Variants in PDS5A observed in about 807,000 individuals in gnomAD.
The protein encoded by PDS5A is sister chromatid cohesion protein PDS5 homolog A.
PDS5A carries 42 observed loss-of-function variants against 167.1 expected under a neutral mutation model. The ratio of observed to expected loss-of-function variants is 0.25; its 90% CI spans 0.20 to 0.33. The LOEUF (loss-of-function observed/expected upper bound fraction) is 0.33. Among genes scored for constraint, PDS5A ranks in the 10% least tolerant of loss-of-function variants. The pLI is 1.00. For missense variants in PDS5A, 1,033 were observed against 1,605.9 expected (o/e 0.64, Z 6.10); for synonymous variants, 553 against 554.6 (o/e 1.00, Z 0.04).
chr4:39,918,996 A>G (rs1724670712), intron 7 of PDS5A, among the ~76,000 whole-genome samples: 1 of 152,236 alleles, frequency 6.6e-6, no homozygotes, highest in Non-Finnish European at 1.5e-5. Flanking sequence ...GAAAGGATAT[A>G]AGAAAACCTA....
chr4:39,845,077 A>G (rs1372636306), intron 29 of PDS5A, among the ~76,000 whole-genome samples: 2 of 152,114 alleles, frequency 1.3e-5, no homozygotes, highest in African/African-American at 4.8e-5. Flanking sequence ...GTGTGGTGGT[A>G]TAAGCCGGTA....
chr4:39,832,121 A>C (rs1715955023), intron 32 of PDS5A, among the ~76,000 whole-genome samples: 1 of 151,960 alleles, frequency 6.6e-6, no homozygotes, highest in African/African-American at 2.4e-5. Flanking sequence ...CCATTTCAAA[A>C]ACAAAACAAA....
chr4:39,883,315 G>C (rs956818734), intron 17 of PDS5A, among the ~76,000 whole-genome samples: 6 of 151,980 alleles, frequency 3.9e-5, no homozygotes, highest in Non-Finnish European at 7.4e-5. Flanking sequence ...CGAGTAGCTG[G>C]GATTACAGGC....
At chr4:39,935,555 T>G (rs1726516445) in intron 2 of PDS5A, among the ~76,000 whole-genome samples, 1 of 152,238 alleles carries the variant, frequency 6.6e-6, no homozygotes, top group Non-Finnish European at 1.5e-5. Context: ...TCTACAGGAT[T>G]GTTTTGGCAT....
intron 17 of PDS5A, among the ~76,000 whole-genome samples, chr4:39,880,319 C>T (rs1189685373): frequency 6.6e-6 from 1 of 152,022 alleles, no homozygotes; most frequent in East Asian, 1.9e-4. Flanking sequence ...AAGCATCATG[C>T]TGTATTTATA....
At chr4:39,852,231 CAA>C (rs1471217316) in intron 26 of PDS5A, among the ~76,000 whole-genome samples, 1 of 152,018 alleles carries the variant, frequency 6.6e-6, no homozygotes, top group East Asian at 1.9e-4. Flanking sequence ...GGATACAAAA[CAA>C]TACATATATG....
At chr4:39,863,543 G>A (rs1719172823) in intron 23 of PDS5A, 84 bp from the exon 24 acceptor site, 3 of 899,294 alleles carry the variant, frequency 3.3e-6, no homozygotes, top group African/African-American at 1.7e-5. Flanking sequence ...TGAATGTAAG[G>A]TCCTTAGAGC....
intron 2 of PDS5A, among the ~76,000 whole-genome samples, chr4:39,958,439 G>A (rs1328917609): frequency 1.3e-5 from 2 of 150,152 alleles, no homozygotes; most frequent in Non-Finnish European, 3.0e-5. Flanking sequence ...ATCAGAAGGT[G>A]GAGGTTGCAG....
At chr4:39,846,092 C>A in intron 28 of PDS5A, 2 of 334,222 alleles carry the variant, frequency 6.0e-6, no homozygotes, top group Non-Finnish European at 1.0e-5. Flanking sequence ...CAGACTTAGG[C>A]AAATGTCAAA....
chr4:39,863,752 A>C (rs1012933881), intron 23 of PDS5A, among the ~76,000 whole-genome samples: 1 of 152,190 alleles, frequency 6.6e-6, no homozygotes, highest in Non-Finnish European at 1.5e-5. Flanking sequence ...TCTTGCAACC[A>C]TAGTAATTGC....
intron 12 of PDS5A, among the ~76,000 whole-genome samples, chr4:39,903,602 C>T (rs1723060310): frequency 6.6e-6 from 1 of 152,182 alleles, no homozygotes; most frequent in South Asian, 2.1e-4. Context: ...CTCAATAGTG[C>T]TCTCTTGCCA....
chr4:39,843,807 A>G (rs912448741), intron 30 of PDS5A, among the ~76,000 whole-genome samples: 4 of 152,008 alleles, frequency 2.6e-5, no homozygotes, highest in African/African-American at 9.7e-5. Flanking sequence ...CTATATATTA[A>G]TAGTTTCAAA....
chr4:39,906,917 T>TAAAATAA lies in PDS5A; in HGVS notation c.1233+1477_1233+1478insTTATTTT, dbSNP rs1320189136. Among the ~76,000 whole-genome samples, 194 of 54,008 alleles carry TAAAATAA rather than the reference T, an allele frequency of 3.6e-3. 7 individuals carry two copies. Among genetic ancestry groups the TAAAATAA allele is most frequent in the African/African-American group, 0.011 (182 of 16,208 alleles). 35.4% of individuals were successfully genotyped at this position (54,008 alleles called of 152,430 possible). ...CAAAAGCCTTTTGAGATTTCTTACA[T>TAAAATAA]AAAAAAAAAAAAAAAAAAAAAAAAA... On this transcript the variant is annotated intron_variant, in intron 11 of 32. Coordinates refer to ENST00000303538, the MANE Select transcript of PDS5A (RefSeq NM_001100399.2).
chr4:39,898,249 C>A (rs1722591450), intron 16 of PDS5A, 140 bp downstream of exon 16: 1 of 1,319,326 alleles, frequency 7.6e-7, no homozygotes, highest in South Asian at 2.6e-5. Context: ...ATTAACTTGA[C>A]AATAGATATA....
intron 2 of PDS5A, among the ~76,000 whole-genome samples, chr4:39,967,110 G>A (rs112279087): frequency 2.0e-5 from 3 of 151,960 alleles, no homozygotes; most frequent in Non-Finnish European, 4.4e-5. Context: ...CTCGAGACCA[G>A]CCTGGCCAAC....
rs555534432 is a variant in PDS5A, at chr4:39,878,096, T to C, written c.1993-943A>G. Among the ~76,000 whole-genome samples the C allele has an allele frequency of 2.6e-5, 4 of 152,198 alleles. No individual in the cohort carries two copies. The East Asian group carries it at 7.7e-4, about 29-fold the overall frequency. ...CATAAAGTAGAAACAATTCAGTTAG[T>C]GTAGTATCAAGATTAGGAAAATAGA... On this transcript the variant is annotated intron_variant, in intron 18 of 32. Coordinates refer to ENST00000303538, the MANE Select transcript of PDS5A (RefSeq NM_001100399.2).
intron 2 of PDS5A, among the ~76,000 whole-genome samples, chr4:39,930,813 C>T (rs951126931): frequency 1.3e-5 from 2 of 151,818 alleles, no homozygotes; most frequent in African/African-American, 2.4e-5. Flanking sequence ...GGAATCATAA[C>T]GGAAATGAGA....
intron 2 of PDS5A, 49 bp downstream of exon 2, chr4:39,976,391 G>A: frequency 2.6e-6 from 4 of 1,561,500 alleles, no homozygotes; most frequent in Non-Finnish European, 3.5e-6. Context: ...CAGTATCACA[G>A]GAGAAAGCGC....
intron 26 of PDS5A, among the ~76,000 whole-genome samples, chr4:39,860,329 G>GT (rs2109540693): frequency 6.6e-6 from 1 of 152,128 alleles, no homozygotes; most frequent in Admixed American, 6.5e-5. Context: ...GCTGGTTGTG[G>GT]TGGTACACGT....
Sources: gnomAD v4.1 joint callset for allele counts (sites outside exome capture counted in the v4.1 genomes callset) on GRCh38, gnomAD v4.1.1 for gene constraint, MANE v1.5 for transcripts, NCBI Gene and HGNC (gene_info 2026-07-23, HGNC 2026-07-21) for gene names.